SLC15A1: variants seen among roughly 807,000 people sequenced by gnomAD.
The protein encoded by SLC15A1 is solute carrier family 15 member 1, also known as Caco-2 oligopeptide transporter.
Under a neutral mutation model 92.9 loss-of-function variants are expected in SLC15A1, and 83 were observed. The ratio of observed to expected loss-of-function variants is 0.89; its 90% CI spans 0.75 to 1.07. The LOEUF is 1.07. SLC15A1 is among the 50% of genes least tolerant of loss of function. The probability of loss-of-function intolerance (pLI) is 0.00; values close to 1 mark genes in which losing one functional copy is unlikely to be tolerated. For synonymous variants in SLC15A1, 322 were observed against 318.2 expected (o/e 1.01, Z -0.13); for missense variants, 857 against 880.1 (o/e 0.97, Z 0.33).
chr13:98,726,764 G>A, intron 2 of SLC15A1, 79 bp downstream of exon 2: 1 of 1,368,988 alleles, frequency 7.3e-7, no homozygotes, highest in Non-Finnish European at 1.0e-6. Flanking sequence ...GATCTGTTAG[G>A]TGAATGAACC....
intron 8 of SLC15A1, among the ~76,000 whole-genome samples, chr13:98,718,435 T>G (rs1336999920): frequency 6.7e-6 from 1 of 149,264 alleles, no homozygotes; most frequent in South Asian, 2.2e-4. Context: ...TCCTTCCACT[T>G]AAGCTTCCAG....
In SLC15A1 at chr13:98,752,587, G is replaced by A. The variant is rs8187814; in HGVS notation, c.4+8C>T. Reference sequence around the variant, plus strand: ...TAGCCCGGCCGGCCCCCCACCCGCCGAGCGTACCCATGGCGGCGGCTCCCA... The same window carrying A: ...TAGCCCGGCCGGCCCCCCACCCGCCAAGCGTACCCATGGCGGCGGCTCCCA... On this transcript the variant is annotated splice_region_variant and intron_variant, in intron 1 of 22. Coordinates refer to ENST00000376503, the MANE Select transcript of SLC15A1 (RefSeq NM_005073.4). 62 of 1,257,828 alleles carry A rather than the reference G, an allele frequency of 4.9e-5. No individual in the cohort carries two copies. In the Middle Eastern group the frequency reaches 1.6e-3, roughly 32 times the overall value. 77.9% of individuals were successfully genotyped at this position (1,257,828 alleles called of 1,614,324 possible).
At chr13:98,720,655 C>A (rs1174142201) in intron 7 of SLC15A1, 3 of 173,556 alleles carry the variant, frequency 1.7e-5, no homozygotes, top group African/African-American at 7.1e-5. Flanking sequence ...CTCTATGGAG[C>A]ATTAGCAAGC....
rs745924829 is a variant in SLC15A1 at position 98,707,891 on chromosome 13, T to TAAA, written c.1149+792_1149+794dup. 1.6e-3 allele frequency among the ~76,000 whole-genome samples: 169 copies of TAAA among 106,810 alleles called. 1 individual carries two copies. Among genetic ancestry groups the TAAA allele is most frequent in the Middle Eastern group, 4.9e-3 (1 of 204 alleles). The allele number at this position is 106,810 out of a possible 152,430, so 70.1% of individuals were successfully genotyped here. A position where few individuals can be genotyped will look rare whatever the true frequency, so the allele number is the denominator to read the frequency against. ...CTAGGCGACAGAGTGAGACCCTGTT[T>TAAA]AAAAAAAAAAAAAAAAAAAAAAAAA... On this transcript the variant is annotated intron_variant, in intron 15 of 22. Transcript: ENST00000376503.
chr13:98,749,217 T>C (rs2082176403), intron 1 of SLC15A1, among the ~76,000 whole-genome samples: 1 of 152,030 alleles, frequency 6.6e-6, no homozygotes, highest in African/African-American at 2.4e-5. Context: ...ACGCACCAGG[T>C]GTGAGGGACC....
chr13:98,696,661 C>T (rs2139567829), intron 18 of SLC15A1, among the ~76,000 whole-genome samples: 1 of 152,244 alleles, frequency 6.6e-6, no homozygotes, highest in Non-Finnish European at 1.5e-5. Flanking sequence ...TGTTTCCTTC[C>T]AGATCAGCCA....
chr13:98,752,582 C>T lies in SLC15A1; in HGVS notation c.4+13G>A. On this transcript the variant is annotated intron_variant, in intron 1 of 22. Transcript: ENST00000376503. ...GTCTTTAGCCCGGCCGGCCCCCCAC[C>T]CGCCGAGCGTACCCATGGCGGCGGC... is the stretch of plus-strand genomic sequence containing the variant. 1 of 1,259,646 alleles carries T rather than the reference C, an allele frequency of 7.9e-7. No individual in the cohort carries two copies. 78.0% of individuals were successfully genotyped at this position (1,259,646 alleles called of 1,614,324 possible). A position where few individuals can be genotyped will look rare whatever the true frequency, so the allele number is the denominator to read the frequency against.
intron 11 of SLC15A1, 59 bp downstream of exon 11, chr13:98,711,794 TG>T: frequency 8.1e-7 from 1 of 1,235,108 alleles, no homozygotes; most frequent in South Asian, 1.2e-5. Context: ...CCTTGGTACC[TG>T]GCAGTGCGGG....
chr13:98,702,076 G>A (rs2139572669), intron 18 of SLC15A1, among the ~76,000 whole-genome samples: 1 of 152,308 alleles, frequency 6.6e-6, no homozygotes, highest in South Asian at 2.1e-4. Flanking sequence ...TAGAAGTGCG[G>A]AGAGTGGAAA....
intron 11 of SLC15A1, among the ~76,000 whole-genome samples, chr13:98,711,207 A>G (rs1269158235): frequency 6.6e-6 from 1 of 152,048 alleles, no homozygotes; most frequent in Non-Finnish European, 1.5e-5. Context: ...AACAATAGCT[A>G]TTTTTTCATT....
intron 11 of SLC15A1, among the ~76,000 whole-genome samples, chr13:98,711,226 C>G (rs955573800): frequency 6.6e-6 from 1 of 152,082 alleles, no homozygotes; most frequent in African/African-American, 2.4e-5. Context: ...TTCTGTAAAC[C>G]AGGATTGATC....
In SLC15A1 at chr13:98,709,559, A is replaced by G; in HGVS notation, c.1067+13T>C. On this transcript the variant is annotated intron_variant, in intron 14 of 22. Coordinates refer to ENST00000376503, the MANE Select transcript of SLC15A1 (RefSeq NM_005073.4). ...AAGGGAGCCTCAACCAACCCAACCCACCCGTCACCTACGTGAAATTGAAGC... is the reference window on the plus strand; with the variant it reads ...AAGGGAGCCTCAACCAACCCAACCCGCCCGTCACCTACGTGAAATTGAAGC... The G allele has an allele frequency of 6.2e-7, 1 of 1,612,960 alleles. No individual in the cohort carries two copies. Among genetic ancestry groups the G allele is most frequent in the Non-Finnish European group, 8.5e-7 (1 of 1,179,288 alleles).
chr13:98,741,298 A>T, intron 1 of SLC15A1, among the ~76,000 whole-genome samples: 1 of 152,164 alleles, frequency 6.6e-6, no homozygotes, highest in East Asian at 1.9e-4. Context: ...GCCCATCCTC[A>T]ACTGCTCTTC....
chr13:98,701,667 ATTTTT>A (rs34078820), intron 18 of SLC15A1, among the ~76,000 whole-genome samples: 42 of 115,558 alleles, frequency 3.6e-4, no homozygotes, highest in African/African-American at 1.4e-3. Context: ...TACTCAGCTA[ATTTTT>A]TTTTTTTTTT....
At position 98,704,926 on chromosome 13, in the gene SLC15A1, C is replaced by T. The variant is rs781646516; in HGVS notation, c.1270-491G>A. 3.3e-4 allele frequency among the ~76,000 whole-genome samples: 50 copies of T among 151,844 alleles called. 1 individual carries two copies. The highest frequency in any genetic ancestry group is 6.2e-4 in the Non-Finnish European group (42 of 67,982). On this transcript the variant is annotated intron_variant, in intron 16 of 22. Transcript: ENST00000376503. ...ACATCTCTGGGGCTAGGGCTGGGCG[C>T]GGTGGTTCATGCCTGTAATCCCAGC...
intron 18 of SLC15A1, among the ~76,000 whole-genome samples, chr13:98,699,872 C>T (rs1212552786): frequency 1.3e-5 from 2 of 152,108 alleles, no homozygotes; most frequent in Non-Finnish European, 2.9e-5. Context: ...AAGACCAATG[C>T]TATTGTTCAT....
chr13:98,721,699 T>C, intron 6 of SLC15A1, 105 bp downstream of exon 6: 2 of 1,303,266 alleles, frequency 1.5e-6, no homozygotes, highest in East Asian at 2.3e-5. Context: ...TACTTTCTAA[T>C]GTACTTAAAA....
At chr13:98,745,462 T>C (rs1347909280) in intron 1 of SLC15A1, among the ~76,000 whole-genome samples, 1 of 152,156 alleles carries the variant, frequency 6.6e-6, no homozygotes, top group Non-Finnish European at 1.5e-5. Context: ...GGAAATAGGA[T>C]CATTACAGCT....
At position 98,704,292 on chromosome 13, in the gene SLC15A1, C is replaced by A; in HGVS notation, c.1413G>T (p.Gln471His). 1 of 1,605,472 alleles carries A rather than the reference C, an allele frequency of 6.2e-7. No individual in the cohort carries two copies. Among genetic ancestry groups the A allele is most frequent in the South Asian group, 1.1e-5 (1 of 89,642 alleles). ...CTGTAGGTCTTCACACACTTACCAC[C>A]TGGTAGTGATTGGGGGCCCACACTA... ...TLLVWAPNHY[Q>H]VVKDGLNQKP... Residue 471 changes from glutamine to histidine, a missense_variant, in exon 17 of 23, where the codon CAG becomes CAT. By Grantham distance (24) the Gln-to-His change is conservative (BLOSUM62 0). Transcript: ENST00000376503.
Sources: allele counts gnomAD v4.1 joint callset (sites outside exome capture counted in the v4.1 genomes callset), GRCh38; gene constraint gnomAD v4.1.1; transcripts MANE v1.5; gene names NCBI Gene and HGNC (gene_info 2026-07-23, HGNC 2026-07-21).